The following R3HDM1 variants were observed in gnomAD, a reference collection of about 807,000 sequenced individuals.
R3HDM1 encodes R3H domain containing 1.
R3HDM1 carries 46 observed loss-of-function variants against 141.1 expected under a neutral mutation model. The observed-to-expected ratio is 0.33, with a 90% confidence interval of 0.26 to 0.42. The LOEUF (loss-of-function observed/expected upper bound fraction) is 0.42, where lower values mean the gene tolerates loss of function less well. Among genes scored for constraint, R3HDM1 ranks in the 10% least tolerant of loss-of-function variants. R3HDM1 has a pLI of 1.00. For synonymous variants in R3HDM1, 435 were observed against 472.9 expected (o/e 0.92, Z 1.04); for missense variants, 1,184 against 1,368.3 (o/e 0.87, Z 2.12).
chr2:135,664,596 G>A (rs2067219619), intron 19 of R3HDM1, among the ~76,000 whole-genome samples: 1 of 152,224 alleles, frequency 6.6e-6, no homozygotes, highest in Non-Finnish European at 1.5e-5. Context: ...TGGATAGGGA[G>A]GAGGATGGGG....
chr2:135,535,568 G>C (rs1407774324), intron 1 of R3HDM1, among the ~76,000 whole-genome samples: 2 of 151,338 alleles, frequency 1.3e-5, no homozygotes, highest in Non-Finnish European at 3.0e-5. Flanking sequence ...GTGAAGAGAA[G>C]GAAGTCAGTT....
chr2:135,650,649 C>T, intron 17 of R3HDM1: 1 of 983,368 alleles, frequency 1.0e-6, no homozygotes, highest in Non-Finnish European at 1.2e-6. Flanking sequence ...CATTTTTTTT[C>T]CTTTTGACAC....
intron 1 of R3HDM1, among the ~76,000 whole-genome samples, chr2:135,571,296 AATTTT>A (rs1704040839): frequency 6.6e-6 from 1 of 151,980 alleles, no homozygotes; most frequent in Non-Finnish European, 1.5e-5. Flanking sequence ...TTACTAGCAA[AATTTT>A]ATTTTATTAT....
rs187897636 is a variant in R3HDM1, at chr2:135,716,182, C to T, written c.2881+488C>T. 3.9e-5 allele frequency among the ~76,000 whole-genome samples: 6 copies of T among 152,322 alleles called. No individual in the cohort carries two copies. The East Asian group carries it at 1.2e-3, about 29-fold the overall frequency. On this transcript the variant is annotated intron_variant, in intron 24 of 26. Coordinates refer to ENST00000683871, the MANE Select transcript of R3HDM1 (RefSeq NM_001378107.1). ...AGAAGTGGTGGCACATGACTGTAGT[C>T]ACAGCTACTCAGGAGGCTGAAGCGG...
In R3HDM1 at chr2:135,715,752, C is replaced by T. The variant is rs190666190; in HGVS notation, c.2881+58C>T. 5.1e-5 allele frequency: 79 copies of T among 1,542,144 alleles called. No individual in the cohort carries two copies. The Middle Eastern group carries it at 8.7e-4, about 17-fold the overall frequency. ...AGAATTTAAGACATCCATTCCCAGTCACTTGGTAATTTATCTTGGTAATAT... is the reference window on the plus strand; with the variant it reads ...AGAATTTAAGACATCCATTCCCAGTTACTTGGTAATTTATCTTGGTAATAT... On this transcript the variant is annotated intron_variant, in intron 24 of 26. Transcript: ENST00000683871.
chr2:135,683,953 A>ATAC (rs2070805805), intron 21 of R3HDM1, among the ~76,000 whole-genome samples: 24 of 147,984 alleles, frequency 1.6e-4, no homozygotes, highest in East Asian at 1.4e-3. Context: ...CTGTCTCATA[A>ATAC]ATACATACAT....
At chr2:135,565,165 T>G (rs1239858992) in intron 1 of R3HDM1, among the ~76,000 whole-genome samples, 1 of 152,028 alleles carries the variant, frequency 6.6e-6, no homozygotes, top group Non-Finnish European at 1.5e-5. Flanking sequence ...TTCCTGGTCT[T>G]CCTGGATCAA....
intron 16 of R3HDM1, among the ~76,000 whole-genome samples, chr2:135,646,899 A>T (rs2064514534): frequency 6.7e-6 from 1 of 150,008 alleles, no homozygotes; most frequent in South Asian, 2.1e-4. Flanking sequence ...AAAAAAGAAG[A>T]AGTATGATGA....
At chr2:135,694,749 T>C (rs1428552002) in intron 21 of R3HDM1, among the ~76,000 whole-genome samples, 2 of 152,130 alleles carry the variant, frequency 1.3e-5, no homozygotes, top group African/African-American at 4.8e-5. Context: ...CAGGGCAGAA[T>C]ACTGAAGAGA....
intron 3 of R3HDM1, among the ~76,000 whole-genome samples, chr2:135,608,945 A>T (rs1425836395): frequency 6.6e-6 from 1 of 152,214 alleles, no homozygotes; most frequent in African/African-American, 2.4e-5. Flanking sequence ...CTTCCAAAAG[A>T]TGCATTCATT....
chr2:135,596,731 G>A (rs950143041), intron 1 of R3HDM1, among the ~76,000 whole-genome samples: 1 of 151,938 alleles, frequency 6.6e-6, no homozygotes, highest in African/African-American at 2.4e-5. Context: ...CATTTTAATC[G>A]TTTCATGGTA....
chr2:135,548,040 A>T (rs112566954), intron 1 of R3HDM1, among the ~76,000 whole-genome samples: 10 of 152,126 alleles, frequency 6.6e-5, no homozygotes, highest in African/African-American at 2.4e-4. Flanking sequence ...CTAAAGTGCT[A>T]GGATTACAGG....
At chr2:135,537,412 A>C (rs1696429786) in intron 1 of R3HDM1, among the ~76,000 whole-genome samples, 1 of 144,498 alleles carries the variant, frequency 6.9e-6, no homozygotes, top group African/African-American at 2.6e-5. Context: ...CAGCCCCCCC[A>C]AGTAGCTGGG....
chr2:135,592,191 C>G (rs978120414), intron 1 of R3HDM1, among the ~76,000 whole-genome samples: 2 of 152,186 alleles, frequency 1.3e-5, no homozygotes, highest in Admixed American at 1.3e-4. Flanking sequence ...TAAACTATAT[C>G]ATAGTAACCT....
At chr2:135,655,058 G>C (rs1055525891) in intron 18 of R3HDM1, among the ~76,000 whole-genome samples, 4 of 151,756 alleles carry the variant, frequency 2.6e-5, no homozygotes, top group Non-Finnish European at 5.9e-5. Context: ...TTTTAATTTT[G>C]GTAAAGTTCA....
At chr2:135,583,627 T>C (rs1260062573) in intron 1 of R3HDM1, 1 of 607,500 alleles carries the variant, frequency 1.6e-6, no homozygotes. Flanking sequence ...AAGAGATGTG[T>C]TAAATTTCTT....
chr2:135,669,891 C>G (rs2105329324), intron 19 of R3HDM1, among the ~76,000 whole-genome samples: 1 of 152,226 alleles, frequency 6.6e-6, no homozygotes, highest in East Asian at 1.9e-4. Flanking sequence ...GTAATCCCAG[C>G]ACTTCGGGAG....
chr2:135,724,435 TG>T lies in R3HDM1; in HGVS notation c.*144del. The T allele has an allele frequency of 1.6e-6, 1 of 626,634 alleles. No homozygotes were observed. The allele number at this position is 626,634 out of a possible 1,614,324, so 38.8% of individuals were successfully genotyped here. A position where few individuals can be genotyped will look rare whatever the true frequency, so the allele number is the denominator to read the frequency against. ...ATTATAGCTTTTGAAGAAAGGCCAGTGATCCAGCAAAGGGGGAAAAATATGC... is the reference window on the plus strand; with the variant it reads ...ATTATAGCTTTTGAAGAAAGGCCAGTATCCAGCAAAGGGGGAAAAATATGC... On this transcript the variant is annotated 3_prime_UTR_variant, in exon 27 of 27. Transcript: ENST00000683871.
chr2:135,542,790 G>A lies in R3HDM1; in HGVS notation c.-250+11157G>A, dbSNP rs185539561. Among the ~76,000 whole-genome samples, 378 of 152,364 alleles carry A rather than the reference G, an allele frequency of 2.5e-3. 2 individuals are homozygous for A. Among genetic ancestry groups the A allele is most frequent in the Non-Finnish European group, 4.4e-3 (298 of 68,040 alleles). ...GTCTCACTCTGTAGCCCAGGCTAGAGTGCAGTGCTGCAGTCTTGGCTCACC... is the reference window on the plus strand; with the variant it reads ...GTCTCACTCTGTAGCCCAGGCTAGAATGCAGTGCTGCAGTCTTGGCTCACC... On this transcript the variant is annotated intron_variant, in intron 1 of 26. Coordinates refer to ENST00000683871, the MANE Select transcript of R3HDM1 (RefSeq NM_001378107.1).
Sources: gnomAD v4.1 joint callset for allele counts (sites outside exome capture counted in the v4.1 genomes callset) on GRCh38, gnomAD v4.1.1 for gene constraint, MANE v1.5 for transcripts, NCBI Gene and HGNC (gene_info 2026-07-23, HGNC 2026-07-21) for gene names.